Variants in ADH1A observed in about 807,000 individuals in gnomAD.
ADH1A encodes the protein alcohol dehydrogenase 1A.
ADH1A carries 29 observed loss-of-function variants against 35.2 expected under a neutral mutation model. That is an observed-to-expected ratio of 0.82 (90% CI 0.61 to 1.12). ADH1A has a LOEUF of 1.12. ADH1A is among the 50% of genes most tolerant of loss of function. The pLI is 0.00. For synonymous variants in ADH1A, 147 were observed against 164.8 expected, an observed-to-expected ratio of 0.89 and a Z score of 0.83; for missense variants, 469 against 464.7, an observed-to-expected ratio of 1.01 and a Z score of -0.09.
chr4:99,279,815 G>A (rs1330331487), intron 7 of ADH1A, among the ~76,000 whole-genome samples: 2 of 151,996 alleles, frequency 1.3e-5, no homozygotes, highest in Non-Finnish European at 2.9e-5. Flanking sequence ...ATGCCCAAAG[G>A]AACAAGTTTA....
intron 6 of ADH1A, chr4:99,281,801 G>A (rs1733009463): frequency 1.1e-5 from 2 of 178,212 alleles, no homozygotes; most frequent in South Asian, 2.5e-4. Flanking sequence ...TTTGTGCCAG[G>A]TACTGTCCAG....
chr4:99,283,176 T>C (rs1413195479), intron 5 of ADH1A, among the ~76,000 whole-genome samples: 1 of 152,190 alleles, frequency 6.6e-6, no homozygotes, highest in Admixed American at 6.5e-5. Context: ...AATACACTAG[T>C]GAATAACACA....
At chr4:99,279,332 T>C (rs1732940476) in intron 8 of ADH1A, 94 bp downstream of exon 8, 1 of 1,461,224 alleles carries the variant, frequency 6.8e-7, no homozygotes, top group South Asian at 1.5e-5. Flanking sequence ...CAAGGCACTC[T>C]AATTTTTCTC....
chr4:99,284,340 C>A (rs915864673), intron 5 of ADH1A, 59 bp downstream of exon 5: 25 of 1,535,234 alleles, frequency 1.6e-5, no homozygotes, highest in Non-Finnish European at 2.2e-5. Flanking sequence ...GACATTCCTT[C>A]CCTTTGGGTT....
chr4:99,277,154 G>A (rs1732889229), intron 8 of ADH1A, among the ~76,000 whole-genome samples: 1 of 151,696 alleles, frequency 6.6e-6, no homozygotes, highest in African/African-American at 2.4e-5. Flanking sequence ...AGAGTTTTGG[G>A]ATTAAAACTC....
At chr4:99,283,734 G>A (rs1274230313) in intron 5 of ADH1A, among the ~76,000 whole-genome samples, 1 of 152,106 alleles carries the variant, frequency 6.6e-6, no homozygotes, top group Admixed American at 6.5e-5. Context: ...CATACTACTA[G>A]ATTTTCAGCC....
intron 3 of ADH1A, among the ~76,000 whole-genome samples, chr4:99,286,139 G>T (rs1056588379): frequency 1.3e-5 from 2 of 151,740 alleles, no homozygotes; most frequent in African/African-American, 4.8e-5. Context: ...ACATTTTATA[G>T]GTAAAATTTA....
intron 6 of ADH1A, 182 bp downstream of exon 6, chr4:99,282,162 CAT>C: frequency 8.6e-7 from 1 of 1,160,934 alleles, no homozygotes; most frequent in Non-Finnish European, 1.2e-6. Context: ...GACACGTTTG[CAT>C]AGTTGATAGA....
At chr4:99,286,829 T>G (rs770020081) in intron 3 of ADH1A, 21 bp downstream of exon 3, 1 of 1,612,186 alleles carries the variant, frequency 6.2e-7, no homozygotes, top group African/African-American at 1.3e-5. Flanking sequence ...CCATCATGTT[T>G]CCTGAATGTG....
intron 1 of ADH1A, chr4:99,288,862 G>C (rs1216511152): frequency 1.3e-5 from 2 of 151,958 alleles, no homozygotes; most frequent in African/African-American, 4.8e-5. Flanking sequence ...GTGTTTTCTG[G>C]TTACCTGGGT....
intron 1 of ADH1A, among the ~76,000 whole-genome samples, chr4:99,289,654 C>G (rs770176570): frequency 2.4e-4 from 37 of 152,070 alleles, no homozygotes; most frequent in Admixed American, 1.2e-3. Context: ...AAATATAATG[C>G]AGGATGTATA....
At chr4:99,289,847 A>G (rs1327156428) in intron 1 of ADH1A, among the ~76,000 whole-genome samples, 1 of 152,134 alleles carries the variant, frequency 6.6e-6, no homozygotes, top group African/African-American at 2.4e-5. Flanking sequence ...ATTGTTTTCT[A>G]TGTGGAATGT....
chr4:99,279,388 A>G (rs770431769), intron 8 of ADH1A, 38 bp downstream of exon 8: 1 of 1,563,208 alleles, frequency 6.4e-7, no homozygotes, highest in Non-Finnish European at 8.6e-7. Context: ...CCTATGGTAG[A>G]AAAAAAAGCA....
chr4:99,286,745 G>A (rs576004397), intron 3 of ADH1A, 105 bp downstream of exon 3: 2 of 1,538,324 alleles, frequency 1.3e-6, no homozygotes, highest in African/African-American at 1.4e-5. Context: ...GCTGCGCGGT[G>A]ACCTTGGTCA....
At chr4:99,290,554 T>C (rs1208811020) in intron 1 of ADH1A, among the ~76,000 whole-genome samples, 1 of 152,200 alleles carries the variant, frequency 6.6e-6, no homozygotes, top group Non-Finnish European at 1.5e-5. Flanking sequence ...GGTACCTTAA[T>C]ATAAAGAAAA....
intron 8 of ADH1A, among the ~76,000 whole-genome samples, chr4:99,278,065 T>C (rs1732911213): frequency 6.6e-6 from 1 of 152,132 alleles, no homozygotes. Context: ...ATTTTTAATC[T>C]TATTGATAGG....
At chr4:99,278,890 C>T (rs539668978) in intron 8 of ADH1A, among the ~76,000 whole-genome samples, 2 of 151,890 alleles carry the variant, frequency 1.3e-5, no homozygotes, top group East Asian at 3.9e-4. Flanking sequence ...TTTATAATAA[C>T]TTTTATTGAT....
chr4:99,277,221 A>C (rs1732890428), intron 8 of ADH1A, among the ~76,000 whole-genome samples: 1 of 152,122 alleles, frequency 6.6e-6, no homozygotes, highest in Non-Finnish European at 1.5e-5. Context: ...AAGAACTGAT[A>C]ATTTAACAAA....
Position 99,284,814 on chromosome 4 carries a change from A to G in ADH1A, c.260-11T>C. 2 of 1,609,186 alleles carry G rather than the reference A, an allele frequency of 1.2e-6. No homozygotes were observed. The highest frequency in any genetic ancestry group is 1.7e-6 in the Non-Finnish European group (2 of 1,175,662). On this transcript the variant is annotated splice_polypyrimidine_tract_variant and intron_variant, in intron 3 of 8. Transcript: ENST00000209668. Reference sequence around the variant, plus strand: ...GGATGACTTTATCACCTGGAGAGGGATAAAACAAATTCTTTTACAATTTCT... The same window carrying G: ...GGATGACTTTATCACCTGGAGAGGGGTAAAACAAATTCTTTTACAATTTCT...
Sources: allele counts gnomAD v4.1 joint callset (sites outside exome capture counted in the v4.1 genomes callset), GRCh38; gene constraint gnomAD v4.1.1; transcripts MANE v1.5; gene names NCBI Gene and HGNC (gene_info 2026-07-23, HGNC 2026-07-21).